The following EIF2AK3 variants were observed in gnomAD, a reference collection of about 807,000 sequenced individuals.
EIF2AK3 encodes eukaryotic translation initiation factor 2 alpha kinase 3, also known as eukaryotic translation initiation factor 2-alpha kinase 3.
EIF2AK3 carries 50 observed loss-of-function variants against 113.5 expected under a neutral mutation model. That is an observed-to-expected ratio of 0.44 (90% CI 0.35 to 0.56). The LOEUF is 0.56. Ranked by LOEUF, EIF2AK3 falls within the 20% of genes least tolerant of loss-of-function variation. The pLI is 0.00. For missense variants in EIF2AK3, 1,185 were observed against 1,378.0 expected (o/e 0.86, Z 2.22); for synonymous variants, 448 against 495.4 (o/e 0.90, Z 1.27).
chr2:88,583,970 G>C (rs1674657526), intron 9 of EIF2AK3, among the ~76,000 whole-genome samples: 1 of 152,158 alleles, frequency 6.6e-6, no homozygotes, highest in Non-Finnish European at 1.5e-5. Context: ...TTCCTAACCA[G>C]TTTCATAGAT....
Position 88,595,513 on chromosome 2 carries a change from C to T in EIF2AK3, c.589G>A (p.Gly197Arg). 1 of 1,613,928 alleles carries T rather than the reference C, an allele frequency of 6.2e-7. No homozygotes were observed. The highest frequency in any genetic ancestry group is 8.5e-7 in the Non-Finnish European group (1 of 1,179,948). The stretch of plus-strand genomic sequence containing the variant: ...AGTCCATATGTAGTCAGAGATTTTC[C>T]TCCAACCAAAACAACATCATCTCCA... The part of the protein sequence containing the change: ...KFGDDVVLVG[G>R]KSLTTYGLSA... Residue 197 changes from glycine (G) to arginine (R), a missense_variant, in exon 3 of 17, where the codon GGA (glycine) becomes AGA (arginine). Physicochemically the swap from Gly to Arg is moderately radical, Grantham distance 125. This residue lies in a region of EIF2AK3 where 119 missense variants were observed against 178.7 expected (regional missense o/e 0.67). Coordinates refer to ENST00000303236, the MANE Select transcript of EIF2AK3 (RefSeq NM_004836.7).
At chr2:88,590,763 T>C in intron 5 of EIF2AK3, 55 bp downstream of exon 5, 1 of 1,596,974 alleles carries the variant, frequency 6.3e-7, no homozygotes. Flanking sequence ...TCAATAAGTT[T>C]GGTCAGACTG....
intron 2 of EIF2AK3, among the ~76,000 whole-genome samples, chr2:88,607,573 G>A (rs968798): frequency 0.77 from 117,084 of 152,142 alleles, 45,509 homozygotes; most frequent in African/African-American, 0.87. Flanking sequence ...CATTCTAAAT[G>A]TAATTTAAAA....
intron 14 of EIF2AK3, among the ~76,000 whole-genome samples, chr2:88,567,489 CTT>C (rs1674169724): frequency 6.6e-6 from 1 of 152,170 alleles, no homozygotes; most frequent in African/African-American, 2.4e-5. Context: ...ATTTCCTAAT[CTT>C]TGTTAATTTA....
At chr2:88,562,748 G>A (rs2104387803) in intron 14 of EIF2AK3, among the ~76,000 whole-genome samples, 1 of 152,312 alleles carries the variant, frequency 6.6e-6, no homozygotes, top group Non-Finnish European at 1.5e-5. Flanking sequence ...GCTATCTAAA[G>A]CAAATCTTTC....
Position 88,593,696 on chromosome 2 carries a change from C to T in EIF2AK3, c.634-291G>A, listed in dbSNP as rs139558262. The stretch of plus-strand genomic sequence containing the variant: ...ATATACAAGAAGAAATGGATAGCTA[C>T]TTGTGATAGCTTTTCTACAATATCA... On this transcript the variant is annotated intron_variant, in intron 3 of 16. Transcript: ENST00000303236. Among the ~76,000 whole-genome samples the T allele has an allele frequency of 4.2e-3, 646 of 152,112 alleles. 6 individuals carry two copies. The highest frequency in any genetic ancestry group is 0.015 in the African/African-American group (605 of 41,480).
At chr2:88,625,639 C>T (rs951996160) in intron 1 of EIF2AK3, among the ~76,000 whole-genome samples, 1 of 152,190 alleles carries the variant, frequency 6.6e-6, no homozygotes, top group Admixed American at 6.5e-5. Flanking sequence ...ACCTGCCTAA[C>T]CTCTGCCACC....
intron 2 of EIF2AK3, among the ~76,000 whole-genome samples, chr2:88,613,331 G>A (rs1367551711): frequency 6.6e-6 from 1 of 152,104 alleles, no homozygotes; most frequent in African/African-American, 2.4e-5. Context: ...TAATTTATGG[G>A]ATTTTGCAGC....
intron 5 of EIF2AK3, 73 bp downstream of exon 5, chr2:88,590,745 C>G: frequency 6.3e-7 from 1 of 1,581,884 alleles, no homozygotes. Context: ...TAATTTCGTT[C>G]CACCCAATCA....
At position 88,613,872 on chromosome 2, in the gene EIF2AK3, T is replaced by A; in HGVS notation, c.309-19A>T. The A allele has an allele frequency of 3.1e-6, 5 of 1,593,318 alleles. No homozygotes were observed. Among genetic ancestry groups the A allele is most frequent in the Non-Finnish European group, 4.3e-6 (5 of 1,167,176 alleles). ...TAATGACCTGTAAATATTAAAAATA[T>A]TTTTAAAATTAACAGATATCTAAGA... On this transcript the variant is annotated intron_variant, in intron 1 of 16. Transcript: ENST00000303236.
At chr2:88,581,010 C>T (rs997652363) in intron 10 of EIF2AK3, among the ~76,000 whole-genome samples, 6 of 152,066 alleles carry the variant, frequency 3.9e-5, no homozygotes, top group East Asian at 3.9e-4. Flanking sequence ...TATATAAAAA[C>T]GGATTATCTT....
chr2:88,627,831 G>C (rs1166396711), upstream of EIF2AK3: 3 of 152,602 alleles, frequency 2.0e-5, no homozygotes, highest in African/African-American at 7.2e-5. Flanking sequence ...AAAGGTCTGC[G>C]CTAACTGCCT....
chr2:88,591,330 A>C (rs1261283491), intron 4 of EIF2AK3, among the ~76,000 whole-genome samples: 2 of 152,186 alleles, frequency 1.3e-5, no homozygotes, highest in Non-Finnish European at 2.9e-5. Context: ...AAAAACTTAC[A>C]AATGTTTGTA....
chr2:88,608,937 T>C (rs1207166095), intron 2 of EIF2AK3, among the ~76,000 whole-genome samples: 1 of 151,606 alleles, frequency 6.6e-6, no homozygotes, highest in African/African-American at 2.4e-5. Context: ...TTTTGCCATG[T>C]TGCCCAGGCT....
intron 6 of EIF2AK3, 35 bp from the exon 7 acceptor site, chr2:88,588,936 A>G (rs1389082879): frequency 6.2e-7 from 1 of 1,609,292 alleles, no homozygotes; most frequent in South Asian, 1.1e-5. Flanking sequence ...TTATGCATTG[A>G]TTTTTTTAAA....
intron 2 of EIF2AK3, among the ~76,000 whole-genome samples, chr2:88,606,313 TAAA>T (rs144488337): frequency 0.041 from 5,967 of 144,970 alleles, 375 homozygotes; most frequent in African/African-American, 0.15. Flanking sequence ...AAAAATAAAA[TAAA>T]AAATAAAAAA....
chr2:88,559,289 AT>A (rs1012507679), intron 15 of EIF2AK3, among the ~76,000 whole-genome samples: 1 of 152,104 alleles, frequency 6.6e-6, no homozygotes, highest in African/African-American at 2.4e-5. Flanking sequence ...ACAGATACAG[AT>A]TTTTTTCTTG....
At position 88,575,412 on chromosome 2, in the gene EIF2AK3, C is replaced by A. The variant is rs2104412213; in HGVS notation, c.2071G>T (p.Asp691Tyr). 2 of 1,610,892 alleles carry A rather than the reference C, an allele frequency of 1.2e-6. No individual in the cohort carries two copies. Among genetic ancestry groups the A allele is most frequent in the East Asian group, 4.5e-5 (2 of 44,870 alleles). ...DWPLSSPSPM[D>Y]APSVKIRRMD... ...CTGCGTATTTTAACTGATGGTGCATCCATTGGGCTAGGAGAGCTGAGTGGC... is the reference window on the plus strand; with the variant it reads ...CTGCGTATTTTAACTGATGGTGCATACATTGGGCTAGGAGAGCTGAGTGGC... The change falls in exon 13 of 17, where the codon GAT becomes TAT. Residue 691 changes from aspartate (D) to tyrosine (Y), a missense_variant. Coordinates refer to ENST00000303236, the MANE Select transcript of EIF2AK3 (RefSeq NM_004836.7).
chr2:88,576,615 G>A lies in EIF2AK3; in HGVS notation c.1975C>T (p.Leu659Phe). 6.2e-7 allele frequency: 1 copy of A among 1,614,114 alleles called. No homozygotes were observed. The highest frequency in any genetic ancestry group is 8.5e-7 in the Non-Finnish European group (1 of 1,180,016). The change falls in exon 12 of 17, where the codon CTC becomes TTC. Residue 659 changes from leucine (L) to phenylalanine (F), a missense_variant. Physicochemically the swap from Leu to Phe is conservative, Grantham distance 22. This residue lies in a region of EIF2AK3 where 877 missense variants were observed against 1,024.2 expected (regional missense o/e 0.86). Transcript: ENST00000303236. The part of the protein sequence containing the change: ...PGIVRYFNAW[L>F]EAPPEKWQEK... ...TGCCACTTCTCTGGTGGTGCTTCGA[G>A]CCAGGCATTGAAATATCTAACAATG...
Sources: allele counts gnomAD v4.1 joint callset (sites outside exome capture counted in the v4.1 genomes callset), GRCh38; gene constraint gnomAD v4.1.1; regional missense constraint gnomAD v4.1.1; transcripts MANE v1.5; gene names NCBI Gene and HGNC (gene_info 2026-07-23, HGNC 2026-07-21).